RNF31: variants seen among roughly 807,000 people sequenced by gnomAD.
RNF31 encodes E3 ubiquitin-protein ligase RNF31.
RNF31 carries 38 observed loss-of-function variants against 133.6 expected under a neutral mutation model. The ratio of observed to expected loss-of-function variants is 0.28; its 90% confidence interval spans 0.22 to 0.37. RNF31 has a LOEUF of 0.37. RNF31 is among the 10% of genes least tolerant of loss of function. The pLI, the probability that RNF31 is intolerant of heterozygous loss-of-function variation, is 1.00. For missense variants in RNF31, 1,118 were observed against 1,394.1 expected, an observed-to-expected ratio of 0.80 and a Z score of 3.15; for synonymous variants, 582 against 552.3, an observed-to-expected ratio of 1.05 and a Z score of -0.75.
chr14:24,147,720 C>A lies in RNF31; in HGVS notation c.22C>A (p.Arg8=), dbSNP rs1364371544. Residue 8 remains arginine (R), a synonymous_variant, in exon 1 of 21, where the codon CGG becomes AGG. Coordinates refer to ENST00000324103, the MANE Select transcript of RNF31 (RefSeq NM_017999.5). MPGEEEE[R]AFLVAREELA... is the part of the protein sequence containing the mutation. ...CAGGATGCCGGGGGAGGAAGAGGAGCGGGCCTTCCTGGTGGCCCGCGAGGA... is the reference window on the plus strand; with the variant it reads ...CAGGATGCCGGGGGAGGAAGAGGAGAGGGCCTTCCTGGTGGCCCGCGAGGA... 6.5e-7 allele frequency: 1 copy of A among 1,538,440 alleles called. No individual in the cohort carries two copies.
rs1714421309 is a variant in RNF31, at chr14:24,147,560, C to G, written c.-139C>G. ...CCGGGGGCTGGAGAGTGACCGTGGT[C>G]TGAGTGACCTGGGGCGGCTGCGTGG... On this transcript the variant is annotated 5_prime_UTR_variant, in exon 1 of 21. Coordinates refer to ENST00000324103, the MANE Select transcript of RNF31 (RefSeq NM_017999.5). 3.0e-6 allele frequency: 2 copies of G among 671,972 alleles called. No homozygotes were observed. Among genetic ancestry groups the G allele is most frequent in the Admixed American group, 8.5e-5 (2 of 23,470 alleles). The allele number at this position is 671,972 out of a possible 1,614,324, so 41.6% of individuals were successfully genotyped here.
At position 24,149,515 on chromosome 14, in the gene RNF31, C is replaced by T. The variant is rs768421973; in HGVS notation, c.741C>T (p.His247=). The T allele has an allele frequency of 1.2e-6, 2 of 1,614,170 alleles. No individual in the cohort carries two copies. The highest frequency in any genetic ancestry group is 2.2e-5 in the East Asian group (1 of 44,868). ...CCTGTGACCACCTGTTCCATGGACACCCATCCCGTGCTCATCACCTCCGCC... is the reference window on the plus strand; with the variant it reads ...CCTGTGACCACCTGTTCCATGGACATCCATCCCGTGCTCATCACCTCCGCC... ...CPACDHLFHG[H]PSRAHHLRQT... is the part of the protein sequence containing the mutation. The change falls in exon 6 of 21, where the codon CAC becomes CAT. Residue 247 remains histidine, a synonymous_variant. Transcript: ENST00000324103.
chr14:24,156,595 A>G lies in RNF31; in HGVS notation c.2494-695A>G, dbSNP rs144799922. Reference sequence around the variant, plus strand: ...GGGAGTTCAAGACCAGCCTCCCAATATGGTGAAACCCCGTCTCTACTAAAA... The same window carrying G: ...GGGAGTTCAAGACCAGCCTCCCAATGTGGTGAAACCCCGTCTCTACTAAAA... On this transcript the variant is annotated intron_variant, in intron 14 of 20. Transcript: ENST00000324103. Among the ~76,000 whole-genome samples, 564 of 152,192 alleles carry G rather than the reference A, an allele frequency of 3.7e-3. 1 individual carries two copies. Among genetic ancestry groups the G allele is most frequent in the South Asian group, 0.011 (52 of 4,824 alleles).
chr14:24,159,917 G>C lies in RNF31; in HGVS notation c.2953G>C (p.Ala985Pro). 2 of 1,614,122 alleles carry C rather than the reference G, an allele frequency of 1.2e-6. No homozygotes were observed. Among genetic ancestry groups the C allele is most frequent in the Non-Finnish European group, 8.5e-7 (1 of 1,180,040 alleles). Residue 985 changes from alanine (A) to proline (P), a missense_variant, in exon 19 of 21, where the codon GCT becomes CCT. Around this residue, in one of 3 missense-constraint regions of RNF31, gnomAD observed 170 missense variants for 194.5 expected, o/e 0.87. Coordinates refer to ENST00000324103, the MANE Select transcript of RNF31 (RefSeq NM_017999.5). Reference protein sequence around the residue: ...KEVPNGLRDEACGKETPAGYA... With the variant: ...KEVPNGLRDEPCGKETPAGYA... The stretch of plus-strand genomic sequence containing the variant: ...GGTTCCCAATGGGCTCAGGGACGAA[G>C]CTTGTGGCAAGGAAACTCCAGCTGG...
Position 24,148,118 on chromosome 14 carries a change from T to C in RNF31, c.335T>C (p.Val112Ala). Residue 112 changes from valine (V) to alanine (A), a missense_variant, in exon 2 of 21, where the codon GTG (valine) becomes GCG (alanine). Physicochemically the swap from Val to Ala is moderately conservative, Grantham distance 64. Transcript: ENST00000324103. The stretch of plus-strand genomic sequence containing the variant: ...GTCTTTCGCAGCACGGTGGATGCTG[T>C]GCAGGTGAATCCCCTGGCCTTATGG... ...NPVFRSTVDA[V>A]QGGRDVLRLY... The C allele has an allele frequency of 6.2e-7, 1 of 1,614,184 alleles. No homozygotes were observed. The highest frequency in any genetic ancestry group is 8.5e-7 in the Non-Finnish European group (1 of 1,180,038).
rs775779360 is a variant in RNF31, at chr14:24,150,121, C to T, written c.870C>T (p.Ser290=). The part of the protein sequence containing the change: ...QSTSLLALGD[S]SLSSPNPASA... ...CCTCCCTGCTGGCCCTGGGAGACAG[C>T]TCTCTTTCTTCCCCTAATCCTGCAA... The change falls in exon 7 of 21, where the codon AGC becomes AGT. Residue 290 remains serine, a synonymous_variant. Coordinates refer to ENST00000324103, the MANE Select transcript of RNF31 (RefSeq NM_017999.5). 4 of 1,609,000 alleles carry T rather than the reference C, an allele frequency of 2.5e-6. No individual in the cohort carries two copies. Among genetic ancestry groups the T allele is most frequent in the African/African-American group, 1.3e-5 (1 of 74,982 alleles).
At position 24,151,487 on chromosome 14, in the gene RNF31, G is replaced by C. The variant is rs369538123; in HGVS notation, c.1740G>C (p.Val580=). 6.2e-7 allele frequency: 1 copy of C among 1,614,152 alleles called. No individual in the cohort carries two copies. Among genetic ancestry groups the C allele is most frequent in the Admixed American group, 1.7e-5 (1 of 60,026 alleles). Residue 580 remains valine (V), a splice_region_variant and synonymous_variant, in exon 10 of 21, where the codon GTG becomes GTC. Transcript: ENST00000324103. This position sits in a 1 kb window ranked among gnomAD's most constrained non-coding sequence, Gnocchi z 5.3. ...CCCTTGCCACTCCCATCTTGCAGGT[G>C]CAGGAGCTCCAGTCTCTAGGCTTTG... is the stretch of plus-strand genomic sequence containing the variant. ...EECVRTRRRK[V]QELQSLGFGP... is the part of the protein sequence containing the mutation.
In RNF31 at chr14:24,151,081, C is replaced by T; in HGVS notation, c.1489-50C>T. ...GCCACTGTCACCATCTTAGTTCAGGCTGAGGGTGGGTGAAGGGTGCCCCTC... is the reference window on the plus strand; with the variant it reads ...GCCACTGTCACCATCTTAGTTCAGGTTGAGGGTGGGTGAAGGGTGCCCCTC... On this transcript the variant is annotated intron_variant, in intron 8 of 20. Transcript: ENST00000324103. This position sits in a 1 kb window ranked among gnomAD's most constrained non-coding sequence, Gnocchi z 5.3. 6.2e-7 allele frequency: 1 copy of T among 1,604,794 alleles called. No homozygotes were observed. Among genetic ancestry groups the T allele is most frequent in the African/African-American group, 1.3e-5 (1 of 74,922 alleles).
At chr14:24,152,177 T>C (rs1341163239) in intron 11 of RNF31, among the ~76,000 whole-genome samples, 185 bp downstream of exon 11, 1 of 152,166 alleles carries the variant, frequency 6.6e-6, no homozygotes, top group Non-Finnish European at 1.5e-5. Context: ...TGTTCTATTA[T>C]GGAAATTTTC....
In RNF31 at chr14:24,160,560, G is replaced by A. The variant is rs780060640; in HGVS notation, c.3206G>A (p.Arg1069His). ...GTACCCTTGGGACAGAGTATCCCCC[G>A]CAGGCGGAAGTAGCTGAGGGCAAGG... ...EEVPLGQSIP[R>H]RRK The change falls in exon 21 of 21, where the codon CGC (arginine) becomes CAC (histidine). Residue 1069 changes from arginine to histidine, a missense_variant. Arg to His is a conservative substitution (Grantham distance 29). This residue lies in a region of RNF31 where 170 missense variants were observed against 194.5 expected (regional missense o/e 0.87). Transcript: ENST00000324103. This position sits in a 1 kb window ranked among gnomAD's most constrained non-coding sequence, Gnocchi z 4.0. 4 of 1,535,192 alleles carry A rather than the reference G, an allele frequency of 2.6e-6. No individual in the cohort carries two copies. The highest frequency in any genetic ancestry group is 2.5e-5 in the South Asian group (2 of 79,132).
rs2038362933 is a variant in RNF31 at position 24,157,605 on chromosome 14, C to T, written c.2694C>T (p.Cys898=). The change falls in exon 16 of 21, where the codon TGC becomes TGT. Residue 898 remains cysteine (C), a synonymous_variant. Transcript: ENST00000324103. ...GTACCCAGTGCCGCCACCAGTTCTG[C>T]AGCGGCTGCTACAATGCCTTTTACG... ...FHCTQCRHQF[C]SGCYNAFYAK... 6.2e-7 allele frequency: 1 copy of T among 1,614,014 alleles called. No individual in the cohort carries two copies. Among genetic ancestry groups the T allele is most frequent in the Admixed American group, 1.7e-5 (1 of 59,976 alleles).
chr14:24,148,158 G>A (rs200909151), intron 2 of RNF31, 36 bp downstream of exon 2: 1 of 1,613,640 alleles, frequency 6.2e-7, no homozygotes. Context: ...GGGGGCTGGG[G>A]TTTGGCTAGA....
chr14:24,158,119 A>T (rs955577163), intron 17 of RNF31, 23 bp from the exon 18 acceptor site: 1 of 1,614,028 alleles, frequency 6.2e-7, no homozygotes, highest in Admixed American at 1.7e-5. Flanking sequence ...GGAATGTAAC[A>T]CCCATCTGTC....
intron 2 of RNF31, 66 bp from the exon 3 acceptor site, chr14:24,148,192 G>A (rs553881667): frequency 7.7e-5 from 124 of 1,613,062 alleles, no homozygotes; most frequent in Admixed American, 1.5e-4. Context: ...TGTGCTGAAT[G>A]GGAAGGGGTC....
At chr14:24,148,442 T>G in intron 3 of RNF31, 29 bp downstream of exon 3, 1 of 1,613,700 alleles carries the variant, frequency 6.2e-7, no homozygotes, top group Non-Finnish European at 8.5e-7. Context: ...CTTGATGGAC[T>G]TATGCACCAG....
rs557040754 is a variant in RNF31 at position 24,149,918 on chromosome 14, T to C, written c.810-143T>C. Reference sequence around the variant, plus strand: ...TGTCATTTAAATGTTGCATAAGCTATGGGTATAGGAGTATTCGAGACAGAC... The same window carrying C: ...TGTCATTTAAATGTTGCATAAGCTACGGGTATAGGAGTATTCGAGACAGAC... On this transcript the variant is annotated intron_variant, in intron 6 of 20. Transcript: ENST00000324103. 250 of 998,494 alleles carry C rather than the reference T, an allele frequency of 2.5e-4. No individual in the cohort carries two copies. The African/African-American group carries it at 3.7e-3, about 15-fold the overall frequency. The allele number at this position is 998,494 out of a possible 1,614,324, so 61.9% of individuals were successfully genotyped here. A position where few individuals can be genotyped will look rare whatever the true frequency, so the allele number is the denominator to read the frequency against.
chr14:24,157,764 T>C, intron 16 of RNF31, 126 bp downstream of exon 16: 2 of 1,087,238 alleles, frequency 1.8e-6, no homozygotes, highest in Non-Finnish European at 2.8e-6. Context: ...CACAACTCTC[T>C]GTCCCCTTAC....
chr14:24,150,530 A>G, intron 7 of RNF31, 68 bp from the exon 8 acceptor site: 1 of 1,577,588 alleles, frequency 6.3e-7, no homozygotes, highest in Non-Finnish European at 8.6e-7. Context: ...AGTTCCTCCC[A>G]ACTCCCTGTA....
At chr14:24,149,909 C>A in intron 6 of RNF31, 152 bp from the exon 7 acceptor site, 1 of 941,092 alleles carries the variant, frequency 1.1e-6, no homozygotes, top group Admixed American at 2.7e-5. Flanking sequence ...TTAAATGTTG[C>A]ATAAGCTATG....
Sources: allele counts gnomAD v4.1 joint callset (sites outside exome capture counted in the v4.1 genomes callset), GRCh38; gene constraint gnomAD v4.1.1; regional missense constraint gnomAD v4.1.1; non-coding constraint Gnocchi (gnomAD v3.1); transcripts MANE v1.5; gene names NCBI Gene and HGNC (gene_info 2026-07-23, HGNC 2026-07-21).